Variants in SRSF1 observed in about 807,000 individuals in gnomAD.
SRSF1 encodes the protein serine and arginine rich splicing factor 1.
In SRSF1, 1 loss-of-function variant was observed where a neutral mutation model predicts 25.9. That is an observed-to-expected ratio of 0.04 (90% CI 0.01 to 0.18). The LOEUF is 0.18. Ranked by LOEUF, SRSF1 falls within the 10% of genes least tolerant of loss-of-function variation. The pLI is 1.00. For missense variants in SRSF1, 65 were observed against 350.5 expected (o/e 0.19, Z 6.50); for synonymous variants, 132 against 126.2 (o/e 1.05, Z -0.31).
the SRSF1 span, chr17:57,990,934 C>T: frequency 2.0e-5 from 3 of 152,186 alleles, no homozygotes; most frequent in Non-Finnish European, 4.4e-5. Flanking sequence ...ATATCTACCT[C>T]ACAATGGTCA....
chr17:57,996,246 A>G (rs763027208), downstream of SRSF1, among the ~76,000 whole-genome samples: 15 of 152,122 alleles, frequency 9.9e-5, no homozygotes, highest in Non-Finnish European at 1.8e-4. Flanking sequence ...GCACTTTGGG[A>G]GGCCGAAGCG....
the SRSF1 span, chr17:57,989,523 A>G: frequency 7.5e-6 from 3 of 397,580 alleles, no homozygotes; most frequent in African/African-American, 4.1e-5. Flanking sequence ...CCCATAGACA[A>G]TAAAAATATG....
the SRSF1 span, among the ~76,000 whole-genome samples, chr17:57,995,502 T>C: frequency 4.6e-5 from 7 of 152,324 alleles, no homozygotes; most frequent in South Asian, 8.3e-4. Context: ...GGCATCCCTC[T>C]TTCTTGCTGC....
At chr17:57,989,903 TAACTA>T in the SRSF1 span, 3 of 396,746 alleles carry the variant, frequency 7.6e-6, no homozygotes, top group Non-Finnish European at 1.3e-5. Flanking sequence ...CCTAAGGAAT[TAACTA>T]AGTAAACTAA....
the SRSF1 span, chr17:57,989,909 A>T: frequency 2.5e-6 from 1 of 396,454 alleles, no homozygotes; most frequent in South Asian, 1.4e-4. Flanking sequence ...GAATTAACTA[A>T]GTAAACTAAA....
rs1463247231 is a variant in SRSF1, at chr17:58,003,191, A to G, written c.*2215T>C. Among the ~76,000 whole-genome samples, 2 of 126,844 alleles carry G rather than the reference A, an allele frequency of 1.6e-5. No homozygotes were observed. The highest frequency in any genetic ancestry group is 5.9e-5 in the African/African-American group (2 of 34,160). 83.2% of individuals were successfully genotyped at this position (126,844 alleles called of 152,430 possible). ...GACCACCAGAAAATAAGCAGCATCT[A>G]TAGTTTTTTAACCACTTTATAACAA... On this transcript the variant is annotated 3_prime_UTR_variant, in exon 4 of 4. Transcript: ENST00000258962.
downstream of SRSF1, among the ~76,000 whole-genome samples, chr17:57,997,136 T>C (rs773425816): frequency 1.3e-5 from 2 of 152,230 alleles, no homozygotes; most frequent in Admixed American, 6.5e-5. Flanking sequence ...TGGTGATCTG[T>C]ACTGAAAGTG....
downstream of SRSF1, among the ~76,000 whole-genome samples, chr17:57,999,701 T>C (rs2075378587): frequency 1.3e-5 from 2 of 152,154 alleles, no homozygotes; most frequent in African/African-American, 4.8e-5. Context: ...TAAGTGATTT[T>C]CCCTAGCACT....
chr17:57,993,710 AG>A, the SRSF1 span: 1 of 152,228 alleles, frequency 6.6e-6, no homozygotes, highest in African/African-American at 2.4e-5. Flanking sequence ...GGAAGAATCT[AG>A]ATTTTTTTCC....
chr17:58,006,920 G>C (rs1033515463), intron 1 of SRSF1, 24 bp downstream of exon 1: 2 of 1,612,846 alleles, frequency 1.2e-6, no homozygotes, highest in Non-Finnish European at 1.7e-6. Context: ...TTTCCTCAAG[G>C]CTGCAAGCCC....
At chr17:58,006,222 A>G (rs1248944637) in intron 2 of SRSF1, 121 bp downstream of exon 2, 2 of 1,311,924 alleles carry the variant, frequency 1.5e-6, no homozygotes, top group African/African-American at 3.0e-5. Context: ...AATTCACCCA[A>G]AAACTAAAGC....
chr17:57,996,048 C>T (rs181020106), downstream of SRSF1, among the ~76,000 whole-genome samples: 39 of 152,264 alleles, frequency 2.6e-4, no homozygotes, highest in East Asian at 7.1e-3. Flanking sequence ...CATGATCTGA[C>T]TAAAGAACAC....
rs1318961203 is a variant in SRSF1 at position 58,002,718 on chromosome 17, A to G, written c.*2688T>C. ...TCAAAAAAGAAATGAGACTTGGGTT[A>G]AAAGTTCTACAGGCTGAGCATGGTG... On this transcript the variant is annotated 3_prime_UTR_variant, in exon 4 of 4. Transcript: ENST00000258962. Among the ~76,000 whole-genome samples, 6 of 152,232 alleles carry G rather than the reference A, an allele frequency of 3.9e-5. No individual in the cohort carries two copies. The highest frequency in any genetic ancestry group is 3.9e-4 in the Admixed American group (6 of 15,292).
Position 58,001,163 on chromosome 17 carries a change from T to A in SRSF1, c.*4243A>T, listed in dbSNP as rs955769164. ...TGCAATTTAAATTACAAAATTCATA[T>A]ACAAAGTAAGCAAAAAGGCACACAT... is the stretch of plus-strand genomic sequence containing the variant. On this transcript the variant is annotated 3_prime_UTR_variant, in exon 4 of 4. Coordinates refer to ENST00000258962, the MANE Select transcript of SRSF1 (RefSeq NM_006924.5). 6.6e-6 allele frequency among the ~76,000 whole-genome samples: 1 copy of A among 152,074 alleles called. No individual in the cohort carries two copies. Among genetic ancestry groups the A allele is most frequent in the Non-Finnish European group, 1.5e-5 (1 of 67,966 alleles).
At chr17:57,990,517 T>C in the SRSF1 span, 1 of 152,318 alleles carries the variant, frequency 6.6e-6, no homozygotes, top group Non-Finnish European at 1.5e-5. Flanking sequence ...GTTAGAGGAA[T>C]ATAATGAAAC....
rs986509288 is a variant in SRSF1, at chr17:58,004,351, T to C, written c.*1055A>G. ...CTAAAACTAAATCTAATGCTCCCATTTGCAATTTAATTTGTAAATTAAAGT... is the reference window on the plus strand; with the variant it reads ...CTAAAACTAAATCTAATGCTCCCATCTGCAATTTAATTTGTAAATTAAAGT... On this transcript the variant is annotated 3_prime_UTR_variant, in exon 4 of 4. Transcript: ENST00000258962. The C allele has an allele frequency of 6.6e-6, 1 of 152,582 alleles. No homozygotes were observed. Among genetic ancestry groups the C allele is most frequent in the African/African-American group, 2.4e-5 (1 of 41,432 alleles). The allele number at this position is 152,582 out of a possible 1,614,324, so 9.5% of individuals were successfully genotyped here. A position where few individuals can be genotyped will look rare whatever the true frequency, so the allele number is the denominator to read the frequency against.
downstream of SRSF1, among the ~76,000 whole-genome samples, chr17:57,996,483 T>TA (rs10677825): frequency 1.9e-4 from 14 of 72,374 alleles, no homozygotes; most frequent in African/African-American, 3.9e-4. Context: ...GACACTGTCT[T>TA]AAAAAAAAAA....
In SRSF1 at chr17:58,005,083, T is replaced by C; in HGVS notation, c.*323A>G. 2.2e-6 allele frequency: 1 copy of C among 456,664 alleles called. No homozygotes were observed. The highest frequency in any genetic ancestry group is 3.8e-6 in the Non-Finnish European group (1 of 260,306). The allele number at this position is 456,664 out of a possible 1,614,324, so 28.3% of individuals were successfully genotyped here. On this transcript the variant is annotated 3_prime_UTR_variant, in exon 4 of 4. Transcript: ENST00000258962. This position sits in a 1 kb window ranked among gnomAD's most constrained non-coding sequence, Gnocchi z 5.2. ...GAAAAGCAAGATAAACATAAGAACT[T>C]CCCCAGGTAAGATAACCACAAACAC...
Position 58,006,443 on chromosome 17 carries a change from A to T in SRSF1, c.279T>A (p.Arg93=). The T allele has an allele frequency of 1.2e-6, 2 of 1,606,414 alleles. No individual in the cohort carries two copies. The highest frequency in any genetic ancestry group is 1.7e-6 in the Non-Finnish European group (2 of 1,177,434). ...RLRVEFPRSG[R]GTGRGGGGGG... ...CCCCGCCGCCGCCTCGGCCTGTTCC[A>T]CGGCCGCTTCGAGGAAACTCCACCC... Residue 93 remains arginine, a synonymous_variant, in exon 2 of 4, where the codon CGT becomes CGA. Transcript: ENST00000258962.
Sources: gnomAD v4.1 joint callset for allele counts (sites outside exome capture counted in the v4.1 genomes callset) on GRCh38, gnomAD v4.1.1 for gene constraint, Gnocchi (gnomAD v3.1) non-coding constraint, MANE v1.5 for transcripts, NCBI Gene and HGNC (gene_info 2026-07-23, HGNC 2026-07-21) for gene names.